Variants in LETM2 observed in about 807,000 individuals in gnomAD.
The protein encoded by LETM2 is LETM1 domain-containing protein LETM2, mitochondrial.
LETM2 carries 58 observed loss-of-function variants against 59.6 expected under a neutral mutation model. The ratio of observed to expected loss-of-function variants is 0.97; its 90% CI spans 0.79 to 1.21. The LOEUF is 1.21. Among genes scored for constraint, LETM2 ranks in the 50% most tolerant of loss-of-function variants. The pLI, the probability that LETM2 is intolerant of heterozygous loss-of-function variation, is 0.00. For missense variants in LETM2, 572 were observed against 575.7 expected, an observed-to-expected ratio of 0.99 and a Z score of 0.07; for synonymous variants, 199 against 214.1, an observed-to-expected ratio of 0.93 and a Z score of 0.62.
chr8:38,394,026 G>T, intron 3 of LETM2, 72 bp from the exon 4 acceptor site: 3 of 1,184,810 alleles, frequency 2.5e-6, no homozygotes, highest in African/African-American at 1.6e-5. Flanking sequence ...GGGTTTTTTT[G>T]GTTTTGTTTT....
At position 38,407,398 on chromosome 8, in the gene LETM2, T is replaced by C. The variant is rs2150459495; in HGVS notation, c.1348T>C (p.Ser450Pro). 1.2e-6 allele frequency: 2 copies of C among 1,613,588 alleles called. No individual in the cohort carries two copies. Among genetic ancestry groups the C allele is most frequent in the Non-Finnish European group, 8.5e-7 (1 of 1,179,588 alleles). Residue 450 changes from serine (S) to proline (P), a missense_variant, in exon 10 of 11, where the codon TCA (serine) becomes CCA (proline). Physicochemically the swap from Ser to Pro is moderately conservative, Grantham distance 74 (BLOSUM62 -1). Coordinates refer to ENST00000379957, the MANE Select transcript of LETM2 (RefSeq NM_001286819.2). ...DFIQPPPVTS[S>P]PITPSTPISL... ...TATACAGCCGCCACCAGTTACATCA[T>C]CACCCATAACACCATCAACACCTAT...
intron 1 of LETM2, 64 bp from the exon 2 acceptor site, chr8:38,387,886 C>A: frequency 1.4e-6 from 1 of 699,148 alleles, no homozygotes; most frequent in Non-Finnish European, 2.4e-6. Context: ...ACACTAAAAT[C>A]CTGATGTCTT....
rs869232263 is a variant in LETM2 at position 38,398,720 on chromosome 8, C to CTT, written c.646-1533_646-1532dup. 4.3e-3 allele frequency among the ~76,000 whole-genome samples: 500 copies of CTT among 115,802 alleles called. 5 individuals are homozygous for CTT. The highest frequency in any genetic ancestry group is 9.2e-3 in the African/African-American group (285 of 31,080). The allele number at this position is 115,802 out of a possible 152,430, so 76.0% of individuals were successfully genotyped here. On this transcript the variant is annotated intron_variant, in intron 4 of 10. Coordinates refer to ENST00000379957, the MANE Select transcript of LETM2 (RefSeq NM_001286819.2). ...AATGAAATGGATGACTAAGTGGGTT[C>CTT]TTTTTTTTTTTTTTTTTTTTGAGAC...
intron 4 of LETM2, among the ~76,000 whole-genome samples, chr8:38,398,753 C>T (rs1435310512): frequency 1.3e-4 from 18 of 138,010 alleles, no homozygotes; most frequent in Non-Finnish European, 2.4e-4. Flanking sequence ...GACAGAGTCT[C>T]GTGCTGTTGC....
chr8:38,397,974 T>C, intron 4 of LETM2, among the ~76,000 whole-genome samples: 1 of 152,040 alleles, frequency 6.6e-6, no homozygotes, highest in East Asian at 1.9e-4. Context: ...ACCCCATCTC[T>C]ACTAAAAATA....
chr8:38,400,385 A>G lies in LETM2; in HGVS notation c.759A>G (p.Thr253=). The change falls in exon 5 of 11, where the codon ACA becomes ACG. Residue 253 remains threonine (T), a synonymous_variant. Coordinates refer to ENST00000379957, the MANE Select transcript of LETM2 (RefSeq NM_001286819.2). ...RNRAKMGDAS[T]QLSSYVKQVQ... is the part of the protein sequence containing the mutation. ...GAGCCAAGATGGGCGATGCCTCTAC[A>G]CAGCTCTCATCCTACGTGAAGCAGG... The G allele has an allele frequency of 2.5e-6, 4 of 1,606,980 alleles. No individual in the cohort carries two copies. Among genetic ancestry groups the G allele is most frequent in the Non-Finnish European group, 2.5e-6 (3 of 1,177,634 alleles).
Position 38,407,370 on chromosome 8 carries a change from CTT to C in LETM2, c.1322_1323del (p.Phe441TyrfsTer21). 6.2e-7 allele frequency: 1 copy of C among 1,610,808 alleles called. No individual in the cohort carries two copies. Among genetic ancestry groups the C allele is most frequent in the South Asian group, 1.1e-5 (1 of 91,022 alleles). The part of the protein sequence containing the change: ...PQLKGTKDED[F>X]IQPPPVTSSP... The stretch of plus-strand genomic sequence containing the variant: ...CAGTTCTGATGTTTAAGGATGAAGA[CTT>C]TATACAGCCGCCACCAGTTACATCA... On this transcript the variant is annotated frameshift_variant, in exon 10 of 11. Transcript: ENST00000379957. LOFTEE classifies it high-confidence loss of function.
chr8:38,383,220 C>T (rs1185664784), upstream of LETM2: 2 of 152,364 alleles, frequency 1.3e-5, no homozygotes, highest in Admixed American at 1.3e-4. Context: ...AACTCTCCGT[C>T]ATCCTCTAGC....
At chr8:38,403,303 A>G (rs917657459) in intron 7 of LETM2, among the ~76,000 whole-genome samples, 1 of 152,246 alleles carries the variant, frequency 6.6e-6, no homozygotes, top group African/African-American at 2.4e-5. Context: ...ACTGTTGAAT[A>G]ACTAGGAGAG....
Position 38,400,933 on chromosome 8 carries a change from C to T in LETM2, c.864C>T (p.His288=), listed in dbSNP as rs1813158713. 2 of 1,614,188 alleles carry T rather than the reference C, an allele frequency of 1.2e-6. No homozygotes were observed. Among genetic ancestry groups the T allele is most frequent in the East Asian group, 4.5e-5 (2 of 44,892 alleles). The change falls in exon 6 of 11, where the codon CAC becomes CAT. Residue 288 remains histidine (H), a synonymous_variant. Coordinates refer to ENST00000379957, the MANE Select transcript of LETM2 (RefSeq NM_001286819.2). ...KLFEDQLALE[H]LDRPQLVALC... Reference sequence around the variant, plus strand: ...TTGAGGACCAGCTGGCCCTGGAACACTTAGATCGCCCTCAGCTGGTTGCCC... The same window carrying T: ...TTGAGGACCAGCTGGCCCTGGAACATTTAGATCGCCCTCAGCTGGTTGCCC...
chr8:38,391,167 G>C (rs1166233028), intron 2 of LETM2, among the ~76,000 whole-genome samples: 1 of 110,976 alleles, frequency 9.0e-6, no homozygotes, highest in Non-Finnish European at 1.7e-5. Context: ...GACAGAGTGA[G>C]ACTCCTCCTG....
At chr8:38,403,283 C>T (rs943700252) in intron 7 of LETM2, among the ~76,000 whole-genome samples, 26 of 152,248 alleles carry the variant, frequency 1.7e-4, no homozygotes, top group African/African-American at 5.1e-4. Flanking sequence ...CTTCACACAG[C>T]AGCCAGAATA....
rs771135428 is a variant in LETM2, at chr8:38,401,029, G to C, written c.960G>C (p.Leu320=). 1 of 1,613,926 alleles carries C rather than the reference G, an allele frequency of 6.2e-7. No homozygotes were observed. The highest frequency in any genetic ancestry group is 1.1e-5 in the South Asian group (1 of 91,082). ...TCCGCTTTCAGCTCCTGATGAAACT[G>C]AAGTCTATAAAAGCAGATGATGAAG... ...NLLRFQLLMK[L]KSIKADDEII... Residue 320 remains leucine, a synonymous_variant, in exon 6 of 11, where the codon CTG becomes CTC. Transcript: ENST00000379957.
intron 2 of LETM2, among the ~76,000 whole-genome samples, chr8:38,392,011 A>G (rs1812323178): frequency 6.6e-6 from 1 of 152,156 alleles, no homozygotes; most frequent in African/African-American, 2.4e-5. Context: ...AGAAGAATTT[A>G]GGTGAAGGGT....
intron 2 of LETM2, among the ~76,000 whole-genome samples, chr8:38,391,208 AAAC>A (rs1812231175): frequency 6.9e-6 from 1 of 144,168 alleles, no homozygotes; most frequent in East Asian, 2.0e-4. Context: ...ACAAAAAAAA[AAAC>A]CAAAAAACTG....
intron 4 of LETM2, among the ~76,000 whole-genome samples, chr8:38,395,118 C>T (rs1812584238): frequency 1.3e-5 from 2 of 152,154 alleles, no homozygotes. Context: ...TTTATCCATT[C>T]TCCTATGAAA....
chr8:38,392,270 C>A (rs1408764853), intron 2 of LETM2, among the ~76,000 whole-genome samples: 2 of 151,874 alleles, frequency 1.3e-5, no homozygotes, highest in East Asian at 1.9e-4. Context: ...ACTAAAAATA[C>A]AAAAATTAGC....
At chr8:38,400,572 G>T in intron 5 of LETM2, 163 bp downstream of exon 5, 1 of 722,744 alleles carries the variant, frequency 1.4e-6, no homozygotes, top group Non-Finnish European at 2.1e-6. Context: ...AACATTGATA[G>T]TAGTTTGCAG....
chr8:38,398,218 C>T lies in LETM2; in HGVS notation c.646-2054C>T, dbSNP rs114056513. ...AAATCAAATTACAATATTTGACTGC[C>T]TGGCAATGTTTTAATTTGCTTACAT... On this transcript the variant is annotated intron_variant, in intron 4 of 10. Transcript: ENST00000379957. 7.0e-3 allele frequency among the ~76,000 whole-genome samples: 1,071 copies of T among 151,928 alleles called. 15 individuals are homozygous for T. The highest frequency in any genetic ancestry group is 0.025 in the African/African-American group (1,026 of 41,436).
Sources: gnomAD v4.1 joint callset for allele counts (sites outside exome capture counted in the v4.1 genomes callset) on GRCh38, gnomAD v4.1.1 for gene constraint, MANE v1.5 for transcripts, NCBI Gene and HGNC (gene_info 2026-07-23, HGNC 2026-07-21) for gene names.